Variants in HDAC4 observed in about 807,000 individuals in gnomAD.
HDAC4 encodes histone deacetylase 4.
A neutral mutation model predicts 135.1 loss-of-function variants in HDAC4; 16 were observed. The observed-to-expected ratio is 0.12, with a 90% confidence interval of 0.08 to 0.18. HDAC4 has a LOEUF of 0.18. Among genes scored for constraint, HDAC4 ranks in the 10% least tolerant of loss-of-function variants. The pLI is 1.00. For missense variants in HDAC4, 1,143 were observed against 1,511.8 expected, an observed-to-expected ratio of 0.76 and a Z score of 4.05; for synonymous variants, 685 against 653.4, an observed-to-expected ratio of 1.05 and a Z score of -0.74.
intron 1 of HDAC4, among the ~76,000 whole-genome samples, chr2:239,398,237 C>T (rs1696698140): frequency 6.6e-6 from 1 of 152,200 alleles, no homozygotes; most frequent in African/African-American, 2.4e-5. Context: ...CTATGAAAGC[C>T]CAGCCGTTTT....
intron 25 of HDAC4, among the ~76,000 whole-genome samples, chr2:239,054,306 G>T (rs958849897): frequency 1.3e-5 from 2 of 152,098 alleles, no homozygotes; most frequent in Admixed American, 1.3e-4. Flanking sequence ...GCTGCTTGAG[G>T]GTCGGTGCCA....
chr2:239,264,242 G>A (rs57806651), intron 2 of HDAC4, among the ~76,000 whole-genome samples: 3,225 of 152,248 alleles, frequency 0.021, 116 homozygotes, highest in African/African-American at 0.073. Context: ...TGCTCGGGCC[G>A]CCCCAGCCTC....
At chr2:239,202,826 A>C (rs1378976529) in intron 3 of HDAC4, among the ~76,000 whole-genome samples, 1 of 152,232 alleles carries the variant, frequency 6.6e-6, no homozygotes, top group Non-Finnish European at 1.5e-5. Flanking sequence ...CCCAGTGATC[A>C]GGATGCCACG....
rs1457859478 is a variant in HDAC4, at chr2:239,400,381, T to A, written c.-220+597A>T. ...TCCCGGCGGCCCGGAGCCCACCTGC[T>A]CGGGGGGCGCGGGCCCCGCACCGGG... On this transcript the variant is annotated intron_variant, in intron 1 of 26. Transcript: ENST00000543185. This position sits in a 1 kb window ranked among gnomAD's most constrained non-coding sequence, Gnocchi z 4.7. The A allele has an allele frequency of 6.8e-6, 1 of 146,952 alleles. No individual in the cohort carries two copies. Among genetic ancestry groups the A allele is most frequent in the Non-Finnish European group, 1.5e-5 (1 of 66,104 alleles). 9.1% of individuals were successfully genotyped at this position (146,952 alleles called of 1,614,324 possible). A position where few individuals can be genotyped will look rare whatever the true frequency, so the allele number is the denominator to read the frequency against.
At chr2:239,265,332 C>A (rs1416152938) in intron 2 of HDAC4, among the ~76,000 whole-genome samples, 2 of 152,228 alleles carry the variant, frequency 1.3e-5, no homozygotes, top group Non-Finnish European at 2.9e-5. Flanking sequence ...AACACCGCCA[C>A]AGACTTTCGT....
intron 4 of HDAC4, among the ~76,000 whole-genome samples, chr2:239,184,005 G>A (rs1006770582): frequency 7.9e-6 from 1 of 126,366 alleles, no homozygotes; most frequent in Non-Finnish European, 1.6e-5. Flanking sequence ...GCTCTCCATA[G>A]CACAAGTCAC....
chr2:239,382,881 C>T (rs1007034108), intron 1 of HDAC4, among the ~76,000 whole-genome samples: 2 of 152,238 alleles, frequency 1.3e-5, no homozygotes, highest in Middle Eastern at 3.4e-3. Flanking sequence ...TGAGCCACCA[C>T]GACTGGCTAA....
intron 3 of HDAC4, among the ~76,000 whole-genome samples, chr2:239,204,578 C>T (rs1294118130): frequency 6.6e-6 from 1 of 152,198 alleles, no homozygotes; most frequent in Non-Finnish European, 1.5e-5. Flanking sequence ...CCTACGCTGG[C>T]CCAAGAACCC....
chr2:239,058,845 A>G (rs1489377581), intron 24 of HDAC4, among the ~76,000 whole-genome samples: 2 of 152,224 alleles, frequency 1.3e-5, no homozygotes, highest in East Asian at 3.8e-4. Context: ...AAGCGTGAAC[A>G]ATACAATTAG....
intron 18 of HDAC4, among the ~76,000 whole-genome samples, chr2:239,087,897 G>A (rs540963568): frequency 2.8e-4 from 42 of 152,234 alleles, no homozygotes; most frequent in African/African-American, 9.4e-4. Context: ...CAGAACTGTC[G>A]GTGAGGCGTG....
intron 2 of HDAC4, among the ~76,000 whole-genome samples, chr2:239,253,948 G>A (rs1264684428): frequency 1.3e-5 from 2 of 152,116 alleles, no homozygotes; most frequent in African/African-American, 4.8e-5. Context: ...ACTCTTGGAG[G>A]ACTGTCTGGT....
Position 239,191,165 on chromosome 2 carries a change from G to A in HDAC4, c.95-1088C>T, listed in dbSNP as rs578144280. On this transcript the variant is annotated intron_variant, in intron 3 of 26. Transcript: ENST00000543185. The stretch of plus-strand genomic sequence containing the variant: ...TCATGTGACCTGGGCCAAGTGGGGA[G>A]GTGGGGCCTTGCCCTCTAGGAGGGT... 2.2e-5 allele frequency: 8 copies of A among 365,118 alleles called. 1 individual carries two copies. The Middle Eastern group carries it at 2.2e-3, about 101-fold the overall frequency. The allele number at this position is 365,118 out of a possible 1,614,324, so 22.6% of individuals were successfully genotyped here.
chr2:239,177,232 G>C (rs1166863380), intron 4 of HDAC4, among the ~76,000 whole-genome samples: 1 of 152,206 alleles, frequency 6.6e-6, no homozygotes, highest in Non-Finnish European at 1.5e-5. Flanking sequence ...GCAGAGAGAA[G>C]AGGCAAGACT....
At chr2:239,063,714 T>G (rs574566545) in intron 24 of HDAC4, among the ~76,000 whole-genome samples, 1 of 152,288 alleles carries the variant, frequency 6.6e-6, no homozygotes, top group East Asian at 1.9e-4. Context: ...AGCCCAACTG[T>G]CCTCCCGTGA....
rs535593958 is a variant in HDAC4, at chr2:239,262,560, G to T, written c.23-25896C>A. Reference sequence around the variant, plus strand: ...AGGCAAGACTGATCTCTACTCTGAGGGGGCCAGAGCCTGGCTCTGACACTC... The same window carrying T: ...AGGCAAGACTGATCTCTACTCTGAGTGGGCCAGAGCCTGGCTCTGACACTC... On this transcript the variant is annotated intron_variant, in intron 2 of 26. Coordinates refer to ENST00000543185, the MANE Select transcript of HDAC4 (RefSeq NM_001378414.1). This position sits in a 1 kb window ranked among gnomAD's most constrained non-coding sequence, Gnocchi z 4.1. Among the ~76,000 whole-genome samples, 2 of 152,334 alleles carry T rather than the reference G, an allele frequency of 1.3e-5. No homozygotes were observed. Among genetic ancestry groups the T allele is most frequent in the South Asian group, 4.1e-4 (2 of 4,828 alleles).
intron 1 of HDAC4, among the ~76,000 whole-genome samples, chr2:239,355,933 CT>C (rs1407132542): frequency 2.0e-5 from 3 of 152,228 alleles, no homozygotes; most frequent in African/African-American, 7.2e-5. Context: ...GAAACGGATT[CT>C]TCTCCCAACT....
At position 239,115,100 on chromosome 2, in the gene HDAC4, C is replaced by T. The variant is rs759120471; in HGVS notation, c.1744G>A (p.Glu582Lys). ...TCACTGGGCTGGCGCTGGCCCGGCT[C>T]CACCTCCCGTGGGGGCTCTGCCTCT... ...EEEAEPPREV[E>K]PGQRQPSEQE... Residue 582 changes from glutamate (E) to lysine (K), a missense_variant, in exon 13 of 27, where the codon GAG becomes AAG. By Grantham distance (56) the Glu-to-Lys change is moderately conservative. Coordinates refer to ENST00000543185, the MANE Select transcript of HDAC4 (RefSeq NM_001378414.1). This position sits in a 1 kb window ranked among gnomAD's most constrained non-coding sequence, Gnocchi z 6.3. The T allele has an allele frequency of 1.2e-6, 2 of 1,611,586 alleles. No individual in the cohort carries two copies. Among genetic ancestry groups the T allele is most frequent in the Non-Finnish European group, 1.7e-6 (2 of 1,179,938 alleles).
intron 1 of HDAC4, among the ~76,000 whole-genome samples, chr2:239,395,136 G>A (rs748443438): frequency 2.6e-5 from 4 of 152,202 alleles, no homozygotes; most frequent in African/African-American, 4.8e-5. Flanking sequence ...AGGTCAAAGG[G>A]GACTTAGAGA....
intron 2 of HDAC4, among the ~76,000 whole-genome samples, chr2:239,350,942 T>C (rs1032305349): frequency 2.0e-5 from 3 of 152,230 alleles, no homozygotes; most frequent in African/African-American, 7.2e-5. Context: ...TACAAAAATA[T>C]GCACCCCCAT....
Sources: allele counts gnomAD v4.1 joint callset (sites outside exome capture counted in the v4.1 genomes callset), GRCh38; gene constraint gnomAD v4.1.1; non-coding constraint Gnocchi (gnomAD v3.1); transcripts MANE v1.5; gene names NCBI Gene and HGNC (gene_info 2026-07-23, HGNC 2026-07-21).